RNF38: variants seen among roughly 807,000 people sequenced by gnomAD.
RNF38 encodes the protein E3 ubiquitin-protein ligase RNF38.
In RNF38, 15 loss-of-function variants were observed where a neutral mutation model predicts 67.2. That is an observed-to-expected ratio of 0.22 (90% CI 0.15 to 0.34). The LOEUF is 0.34. Ranked by LOEUF, RNF38 falls within the 10% of genes least tolerant of loss-of-function variation. The pLI, the probability that RNF38 is intolerant of heterozygous loss-of-function variation, is 1.00. For synonymous variants in RNF38, 220 were observed against 218.8 expected (o/e 1.01, Z -0.05); for missense variants, 524 against 639.9 (o/e 0.82, Z 1.95).
chr9:36,370,420 G>A (rs1835289428), intron 3 of RNF38, among the ~76,000 whole-genome samples: 1 of 151,964 alleles, frequency 6.6e-6, no homozygotes, highest in Non-Finnish European at 1.5e-5. Context: ...TAAAAAATGA[G>A]AAAACATGAA....
intron 1 of RNF38, among the ~76,000 whole-genome samples, chr9:36,444,493 A>C (rs1007751737): frequency 7.2e-5 from 11 of 152,100 alleles, no homozygotes; most frequent in Non-Finnish European, 1.6e-4. Context: ...GATTAACAGG[A>C]AGTTCAATTA....
At chr9:36,436,964 G>T (rs1366551857) in intron 1 of RNF38, among the ~76,000 whole-genome samples, 1 of 152,164 alleles carries the variant, frequency 6.6e-6, no homozygotes, top group African/African-American at 2.4e-5. Context: ...AGAGAAGGCA[G>T]TTTTCTACCA....
At chr9:36,482,410 T>C (rs1840295106) in intron 1 of RNF38, among the ~76,000 whole-genome samples, 1 of 139,756 alleles carries the variant, frequency 7.2e-6, no homozygotes, top group South Asian at 2.3e-4. Flanking sequence ...TGGAGTGCAG[T>C]GGCGTGATCT....
intron 3 of RNF38, 95 bp downstream of exon 3, chr9:36,375,839 T>A (rs1835747663): frequency 8.5e-7 from 1 of 1,179,074 alleles, no homozygotes; most frequent in South Asian, 1.5e-5. Context: ...GATGTGTTTA[T>A]GAAATGCCTA....
intron 1 of RNF38, among the ~76,000 whole-genome samples, chr9:36,483,257 G>C (rs1840322356): frequency 6.6e-6 from 1 of 152,170 alleles, no homozygotes; most frequent in East Asian, 1.9e-4. Flanking sequence ...ATGGTGGCAG[G>C]CACCTGTAAT....
chr9:36,393,523 G>GTT (rs1554689616), intron 1 of RNF38, among the ~76,000 whole-genome samples: 1 of 83,570 alleles, frequency 1.2e-5, no homozygotes, highest in Admixed American at 1.0e-4. Context: ...GTGTGTGTGT[G>GTT]GGGCAGGCAG....
Position 36,365,483 on chromosome 9 carries a change from G to T in RNF38, c.570+4236C>A, listed in dbSNP as rs1463875175. The stretch of plus-strand genomic sequence containing the variant: ...CTCAGGAGGCTGAGGCAGGAGAATC[G>T]CTTGAAATGGAAAGGTGGAAGCTGC... On this transcript the variant is annotated intron_variant, in intron 4 of 11. Coordinates refer to ENST00000259605, the MANE Select transcript of RNF38 (RefSeq NM_022781.5). 2.0e-5 allele frequency among the ~76,000 whole-genome samples: 3 copies of T among 151,900 alleles called. No homozygotes were observed. The South Asian group carries it at 6.2e-4, about 32-fold the overall frequency.
Position 36,420,532 on chromosome 9 carries a change from C to CAAAAA in RNF38, n.312+4076_312+4080dup, listed in dbSNP as rs59641483. On this transcript the variant is annotated intron_variant and non_coding_transcript_variant, in intron 2 of 3. Coordinates refer to the RNF38 transcript ENST00000488058. ...GGGCAACAGAGCAAGACTCTGTCTCCAAAAAAAAAAAAAAAGAGGACAACC... is the reference window on the plus strand; with the variant it reads ...GGGCAACAGAGCAAGACTCTGTCTCCAAAAAAAAAAAAAAAAAAAAGAGGACAACC... Among the ~76,000 whole-genome samples the CAAAAA allele has an allele frequency of 9.2e-3, 678 of 73,392 alleles. 36 individuals carry two copies. The highest frequency in any genetic ancestry group is 0.024 in the African/African-American group (605 of 25,322). 48.1% of individuals were successfully genotyped at this position (73,392 alleles called of 152,430 possible). A position where few individuals can be genotyped will look rare whatever the true frequency, so the allele number is the denominator to read the frequency against.
intron 2 of RNF38, among the ~76,000 whole-genome samples, chr9:36,378,428 G>A (rs917787960): frequency 4.6e-5 from 7 of 151,832 alleles, no homozygotes; most frequent in African/African-American, 1.5e-4. Context: ...TGCCCATCTC[G>A]GCCTCCCAAA....
chr9:36,378,098 G>A (rs1218437625), intron 2 of RNF38, among the ~76,000 whole-genome samples: 1 of 150,562 alleles, frequency 6.6e-6, no homozygotes, highest in Non-Finnish European at 1.5e-5. Context: ...TGACAAACTT[G>A]CACATGAACT....
At chr9:36,408,904 T>C (rs1838247677) in intron 2 of RNF38, among the ~76,000 whole-genome samples, 1 of 152,178 alleles carries the variant, frequency 6.6e-6, no homozygotes, top group Non-Finnish European at 1.5e-5. Flanking sequence ...GTTATGCACA[T>C]GGCCGGGTGT....
chr9:36,487,394 G>A lies in RNF38; in HGVS notation n.155C>T, dbSNP rs1322945008. On this transcript the variant is annotated non_coding_transcript_exon_variant, in exon 1 of 4. Coordinates refer to the RNF38 transcript ENST00000488058. ...GCCCGGAGGGCTGAGGCGGTCCGTG[G>A]CGGCGGGCTCCGGCCGGGGCGGCGG... is the stretch of plus-strand genomic sequence containing the variant. 1.6e-5 allele frequency: 16 copies of A among 982,678 alleles called. No homozygotes were observed. In the Admixed American group the frequency reaches 8.8e-4, roughly 54 times the overall value. The allele number at this position is 982,678 out of a possible 1,614,324, so 60.9% of individuals were successfully genotyped here. A position where few individuals can be genotyped will look rare whatever the true frequency, so the allele number is the denominator to read the frequency against.
At chr9:36,398,397 G>T (rs1371994128) in intron 1 of RNF38, among the ~76,000 whole-genome samples, 1 of 151,960 alleles carries the variant, frequency 6.6e-6, no homozygotes, top group Non-Finnish European at 1.5e-5. Flanking sequence ...AGCAAAACCC[G>T]TTTCTGGAAA....
chr9:36,437,966 ACT>A (rs1839107152), intron 1 of RNF38, among the ~76,000 whole-genome samples: 1 of 152,176 alleles, frequency 6.6e-6, no homozygotes, highest in Non-Finnish European at 1.5e-5. Context: ...GTTCTTTGAC[ACT>A]GAGTCTCACT....
chr9:36,395,241 C>T (rs553794035), intron 1 of RNF38, among the ~76,000 whole-genome samples: 9 of 152,174 alleles, frequency 5.9e-5, no homozygotes, highest in South Asian at 2.1e-4. Flanking sequence ...TAGTAATTAT[C>T]GCACTAAAAT....
chr9:36,410,275 C>T (rs1340014897), intron 2 of RNF38, among the ~76,000 whole-genome samples: 2 of 152,134 alleles, frequency 1.3e-5, no homozygotes, highest in Non-Finnish European at 2.9e-5. Context: ...AACCTAAAGG[C>T]AATGAAACAC....
At chr9:36,477,696 G>A (rs940635906) in intron 1 of RNF38, among the ~76,000 whole-genome samples, 3 of 151,304 alleles carry the variant, frequency 2.0e-5, no homozygotes, top group East Asian at 2.0e-4. Context: ...GGTGGGGGGC[G>A]CCTGTAGTCC....
chr9:36,369,262 C>T (rs115542357), intron 4 of RNF38, among the ~76,000 whole-genome samples: 2,089 of 152,176 alleles, frequency 0.014, 41 homozygotes, highest in African/African-American at 0.046. Context: ...TTTTTTGAGA[C>T]GAAGTCTCGT....
At chr9:36,390,422 T>A in intron 2 of RNF38, 45 bp downstream of exon 2, 2 of 1,530,848 alleles carry the variant, frequency 1.3e-6, no homozygotes, top group Non-Finnish European at 1.8e-6. Flanking sequence ...CACTGTAGAA[T>A]GTGACTTTCA....
Sources: gnomAD v4.1 joint callset for allele counts (sites outside exome capture counted in the v4.1 genomes callset) on GRCh38, gnomAD v4.1.1 for gene constraint, MANE v1.5 for transcripts, NCBI Gene and HGNC (gene_info 2026-07-23, HGNC 2026-07-21) for gene names.